The following JADE2 variants were observed in gnomAD, a reference collection of about 807,000 sequenced individuals.
JADE2 encodes the protein jade family PHD finger 2, also known as E3 ubiquitin-protein ligase Jade-2.
JADE2 carries 13 observed loss-of-function variants against 85.7 expected under a neutral mutation model. That is an observed-to-expected ratio of 0.15 (90% CI 0.10 to 0.24). JADE2 has a LOEUF of 0.24. Among genes scored for constraint, JADE2 ranks in the 10% least tolerant of loss-of-function variants. The pLI, the probability that JADE2 is intolerant of heterozygous loss-of-function variation, is 1.00. For missense variants in JADE2, 846 were observed against 1,115.9 expected (o/e 0.76, Z 3.45); for synonymous variants, 440 against 456.1 (o/e 0.96, Z 0.45).
chr5:134,553,663 T>A (rs1762742702), intron 4 of JADE2, among the ~76,000 whole-genome samples: 2 of 152,250 alleles, frequency 1.3e-5, no homozygotes, highest in Admixed American at 1.3e-4. Context: ...TAAGCCATGC[T>A]TTTGACATCT....
intron 9 of JADE2, among the ~76,000 whole-genome samples, chr5:134,567,986 C>G (rs941129518): frequency 2.0e-5 from 3 of 152,180 alleles, no homozygotes; most frequent in Non-Finnish European, 2.9e-5. Context: ...CTTCTGGGAC[C>G]GAAGCTGCTT....
rs1025602385 is a variant in JADE2, at chr5:134,579,454, A to T, written c.*137A>T. 2 of 658,786 alleles carry T rather than the reference A, an allele frequency of 3.0e-6. No homozygotes were observed. Among genetic ancestry groups the T allele is most frequent in the Admixed American group, 2.9e-5 (1 of 33,988 alleles). The allele number at this position is 658,786 out of a possible 1,614,324, so 40.8% of individuals were successfully genotyped here. A position where few individuals can be genotyped will look rare whatever the true frequency, so the allele number is the denominator to read the frequency against. The stretch of plus-strand genomic sequence containing the variant: ...ACTCCGTCGTGGTTTTATTTTTAAT[A>T]TAGAGAGAGTTTTGAATTCTACACT... On this transcript the variant is annotated 3_prime_UTR_variant, in exon 12 of 12. Coordinates refer to ENST00000681547, the MANE Select transcript of JADE2 (RefSeq NM_001388185.1). This position sits in a 1 kb window ranked among gnomAD's most constrained non-coding sequence, Gnocchi z 4.6.
In JADE2 at chr5:134,552,199, C is replaced by T. The variant is rs753825934; in HGVS notation, c.301C>T (p.Pro101Ser). The change falls in exon 4 of 12, where the codon CCC (proline) becomes TCC (serine). Residue 101 changes from proline to serine, a missense_variant. By Grantham distance (74) the Pro-to-Ser change is moderately conservative. Around this residue, in one of 9 missense-constraint regions of JADE2, gnomAD observed 44 missense variants for 92.0 expected, o/e 0.48. Coordinates refer to ENST00000681547, the MANE Select transcript of JADE2 (RefSeq NM_001388185.1). The part of the protein sequence containing the change: ...VPAGAEAIPE[P>S]VVRILPPLEG... ...TGCCGGGGCAGAGGCCATCCCAGAG[C>T]CCGTGGTGAGGTGAGCCAGGCAGCC... 4.3e-6 allele frequency: 7 copies of T among 1,613,724 alleles called. No homozygotes were observed. In the Admixed American group the frequency reaches 8.3e-5, roughly 19 times the overall value.
intron 2 of JADE2, among the ~76,000 whole-genome samples, chr5:134,537,563 G>A (rs1314259591): frequency 6.6e-6 from 1 of 152,206 alleles, no homozygotes; most frequent in Non-Finnish European, 1.5e-5. Flanking sequence ...ATCTGCTTCA[G>A]AGCATCTCTC....
At chr5:134,577,176 G>T (rs73788687) in intron 11 of JADE2, 2 of 361,984 alleles carry the variant, frequency 5.5e-6, no homozygotes, top group African/African-American at 4.2e-5. Context: ...CCTGGCTGGG[G>T]GGTCCTGGGT....
At chr5:134,570,837 C>T (rs11953143) in intron 9 of JADE2, among the ~76,000 whole-genome samples, 10,464 of 152,296 alleles carry the variant, frequency 0.069, 466 homozygotes, top group Admixed American at 0.11. Flanking sequence ...CTGTCTTTCA[C>T]GGCTGCCCAC....
At chr5:134,552,987 C>CT (rs34182692) in intron 4 of JADE2, among the ~76,000 whole-genome samples, 41,416 of 62,486 alleles carry the variant, frequency 0.66, 15,675 homozygotes, top group African/African-American at 0.72. Context: ...TGGGCCTGGC[C>CT]TTTTTTTTTT....
At chr5:134,541,932 C>T (rs931850448) in intron 3 of JADE2, among the ~76,000 whole-genome samples, 1 of 152,254 alleles carries the variant, frequency 6.6e-6, no homozygotes, top group African/African-American at 2.4e-5. Flanking sequence ...CCTGGAGGCC[C>T]AGCTTCCCAT....
intron 1 of JADE2, among the ~76,000 whole-genome samples, chr5:134,527,472 T>C (rs1760926291): frequency 6.6e-6 from 1 of 151,916 alleles, no homozygotes. Flanking sequence ...TGTCCCCTAC[T>C]ACACACAGCT....
At chr5:134,533,736 CTTTTTTTTTTTTTTT>C (rs70976536) in intron 1 of JADE2, 8 of 112,844 alleles carry the variant, frequency 7.1e-5, no homozygotes, top group South Asian at 3.4e-4. Flanking sequence ...CACACTCTCT[CTTTTTTTTTTTTTTT>C]TTTTTTTTTT....
upstream of JADE2, among the ~76,000 whole-genome samples, chr5:134,524,707 G>GCCA (rs1760699815): frequency 6.6e-6 from 1 of 152,204 alleles, no homozygotes; most frequent in African/African-American, 2.4e-5. Context: ...GCACCCGGGA[G>GCCA]GGGGGAGGGG....
chr5:134,559,881 C>T lies in JADE2; in HGVS notation c.363C>T (p.Thr121=). Residue 121 remains threonine, a synonymous_variant, in exon 5 of 12, where the codon ACC becomes ACT. Transcript: ENST00000681547. ...GPPAQASPSS[T]MLGEGSQPDW... is the part of the protein sequence containing the mutation. ...CTGCCCAGGCATCCCCGAGCAGCAC[C>T]ATGCTTGGTGAGGGCTCCCAGCCTG... 6.2e-7 allele frequency: 1 copy of T among 1,614,030 alleles called. No homozygotes were observed. Among genetic ancestry groups the T allele is most frequent in the Non-Finnish European group, 8.5e-7 (1 of 1,179,940 alleles).
chr5:134,572,185 G>A (rs993070457), intron 9 of JADE2, among the ~76,000 whole-genome samples: 9 of 152,240 alleles, frequency 5.9e-5, no homozygotes, highest in Non-Finnish European at 1.2e-4. Context: ...GGGACCGGTG[G>A]TTGCAGCCCA....
At chr5:134,556,849 TACAC>T (rs1762970746) in intron 4 of JADE2, among the ~76,000 whole-genome samples, 1 of 90,028 alleles carries the variant, frequency 1.1e-5, no homozygotes, top group Non-Finnish European at 2.2e-5. Flanking sequence ...ACACAGCACA[TACAC>T]GCACACACCA....
rs1764576029 is a variant in JADE2, at chr5:134,579,184, C to T, written c.2372C>T (p.Thr791Ile). 6.2e-7 allele frequency: 1 copy of T among 1,614,262 alleles called. No individual in the cohort carries two copies. Among genetic ancestry groups the T allele is most frequent in the South Asian group, 1.1e-5 (1 of 91,092 alleles). Residue 791 changes from threonine (T) to isoleucine (I), a missense_variant, in exon 12 of 12, where the codon ACT (threonine) becomes ATT (isoleucine). Transcript: ENST00000681547. The surrounding 1 kb of genome is among the most constrained non-coding windows in gnomAD (Gnocchi z 4.6). Reference protein sequence around the residue: ...ERPKVSLHFDTETDGYFSDGE... With the variant: ...ERPKVSLHFDIETDGYFSDGE... ...CCCAAGGTCAGCCTGCATTTTGACA[C>T]TGAGACTGATGGCTACTTCTCTGAT...
In JADE2 at chr5:134,562,465, T is replaced by C; in HGVS notation, c.852+98T>C. On this transcript the variant is annotated intron_variant, in intron 7 of 11. Coordinates refer to ENST00000681547, the MANE Select transcript of JADE2 (RefSeq NM_001388185.1). The surrounding 1 kb of genome is among the most constrained non-coding windows in gnomAD (Gnocchi z 4.6). ...GCAGAGCACTGGGAAAAGAAGGTGATGGACTCGCACTAAAACACTGAGATC... is the reference window on the plus strand; with the variant it reads ...GCAGAGCACTGGGAAAAGAAGGTGACGGACTCGCACTAAAACACTGAGATC... 3.2e-6 allele frequency: 4 copies of C among 1,239,202 alleles called. No individual in the cohort carries two copies. Among genetic ancestry groups the C allele is most frequent in the East Asian group, 2.4e-5 (1 of 41,032 alleles). 76.8% of individuals were successfully genotyped at this position (1,239,202 alleles called of 1,614,324 possible). A position where few individuals can be genotyped will look rare whatever the true frequency, so the allele number is the denominator to read the frequency against.
At position 134,561,227 on chromosome 5, in the gene JADE2, C is replaced by T. The variant is rs371888027; in HGVS notation, c.684+270C>T. ...TCCACCTTGTGCCCTGTCCCTGCCC[C>T]TCCTCCTCTGCTCCTCATGTCCTGA... On this transcript the variant is annotated intron_variant, in intron 6 of 11. Coordinates refer to ENST00000681547, the MANE Select transcript of JADE2 (RefSeq NM_001388185.1). 5.3e-5 allele frequency among the ~76,000 whole-genome samples: 8 copies of T among 152,362 alleles called. No individual in the cohort carries two copies. The East Asian group carries it at 1.5e-3, about 29-fold the overall frequency.
chr5:134,534,959 C>A (rs1761492009), intron 1 of JADE2, among the ~76,000 whole-genome samples: 1 of 152,190 alleles, frequency 6.6e-6, no homozygotes, highest in South Asian at 2.1e-4. Flanking sequence ...CAGCCAGGAG[C>A]TGATGGAGGG....
At chr5:134,550,390 G>A (rs150123853) in intron 3 of JADE2, among the ~76,000 whole-genome samples, 1 of 152,308 alleles carries the variant, frequency 6.6e-6, no homozygotes, top group African/African-American at 2.4e-5. Flanking sequence ...CAAATGAGGT[G>A]CACATAGCAG....
Sources: gnomAD v4.1 joint callset for allele counts (sites outside exome capture counted in the v4.1 genomes callset) on GRCh38, gnomAD v4.1.1 for gene constraint, gnomAD v4.1.1 regional missense constraint, Gnocchi (gnomAD v3.1) non-coding constraint, MANE v1.5 for transcripts, NCBI Gene and HGNC (gene_info 2026-07-23, HGNC 2026-07-21) for gene names.